Variants in HEATR4 observed in about 807,000 individuals in gnomAD.
HEATR4 encodes the protein HEAT repeat containing 4.
Under a neutral mutation model 108.8 loss-of-function variants are expected in HEATR4, and 95 were observed. That is an observed-to-expected ratio of 0.87 (90% CI 0.74 to 1.04). The LOEUF is 1.04. Among genes scored for constraint, HEATR4 ranks in the 50% least tolerant of loss-of-function variants. The pLI, the probability that HEATR4 is intolerant of heterozygous loss-of-function variation, is 0.00. For missense variants in HEATR4, 1,152 were observed against 1,253.8 expected (o/e 0.92, Z 1.23); for synonymous variants, 443 against 459.4 (o/e 0.96, Z 0.46).
chr14:73,629,242 C>CT, the HEATR4 span, among the ~76,000 whole-genome samples: 11 of 152,058 alleles, frequency 7.2e-5, no homozygotes, highest in African/African-American at 2.7e-4. Context: ...AAGGTATGTA[C>CT]TTTTTTTAAA....
At chr14:73,595,388 T>C in the HEATR4 span, 2 of 1,614,144 alleles carry the variant, frequency 1.2e-6, no homozygotes, top group African/African-American at 2.7e-5. Context: ...AAGTGAGTTG[T>C]ATGCCCAAAC....
intron 17 of HEATR4, among the ~76,000 whole-genome samples, chr14:73,479,521 C>G (rs1219841302): frequency 6.6e-6 from 1 of 150,482 alleles, no homozygotes; most frequent in Non-Finnish European, 1.5e-5. Flanking sequence ...TCACCGCAAC[C>G]TCTGCCCCCA....
the HEATR4 span, among the ~76,000 whole-genome samples, chr14:73,612,247 T>A: frequency 1.3e-5 from 2 of 152,034 alleles, no homozygotes; most frequent in Admixed American, 1.3e-4. Context: ...ACTCTGTTGG[T>A]CAGGCTGGTC....
At chr14:73,587,357 CT>C in the HEATR4 span, among the ~76,000 whole-genome samples, 27,400 of 147,394 alleles carry the variant, frequency 0.19, 3,002 homozygotes, top group East Asian at 0.31. Flanking sequence ...GCAACATCCA[CT>C]TTTTTTTTTT....
Position 73,496,560 on chromosome 14 carries a change from T to C in HEATR4, c.2625+41A>G, listed in dbSNP as rs755874293. 4.8e-6 allele frequency: 6 copies of C among 1,243,780 alleles called. No homozygotes were observed. In the South Asian group the frequency reaches 7.2e-5, roughly 15 times the overall value. The allele number at this position is 1,243,780 out of a possible 1,614,324, so 77.0% of individuals were successfully genotyped here. The stretch of plus-strand genomic sequence containing the variant: ...ACAGGGTCTGAGGAACTCTTGAGAG[T>C]CCTGAATTTTCTCTTGAGAACAGAG... On this transcript the variant is annotated intron_variant, in intron 15 of 17. Coordinates refer to ENST00000553558, the MANE Select transcript of HEATR4 (RefSeq NM_001220484.1).
rs199545926 is a variant in HEATR4 at position 73,492,035 on chromosome 14, C to G, written c.2844+1031G>C. Reference sequence around the variant, plus strand: ...CCCTAACTCGCAGGGCTTTGCCCCCCACTACGACGACATCGAGGCCTTCGT... The same window carrying G: ...CCCTAACTCGCAGGGCTTTGCCCCCGACTACGACGACATCGAGGCCTTCGT... On this transcript the variant is annotated intron_variant, in intron 17 of 17. Coordinates refer to ENST00000553558, the MANE Select transcript of HEATR4 (RefSeq NM_001220484.1). This position sits in a 1 kb window ranked among gnomAD's most constrained non-coding sequence, Gnocchi z 4.9. 6.2e-7 allele frequency: 1 copy of G among 1,614,026 alleles called. No individual in the cohort carries two copies. Among genetic ancestry groups the G allele is most frequent in the Non-Finnish European group, 8.5e-7 (1 of 1,179,896 alleles).
intron 5 of HEATR4, among the ~76,000 whole-genome samples, chr14:73,516,747 T>C (rs931262109): frequency 6.6e-6 from 1 of 152,176 alleles, no homozygotes; most frequent in Non-Finnish European, 1.5e-5. Context: ...CTCTGCCTCC[T>C]GTCAGATCAG....
chr14:73,627,990 G>T, the HEATR4 span, among the ~76,000 whole-genome samples: 15 of 152,270 alleles, frequency 9.9e-5, no homozygotes, highest in African/African-American at 3.6e-4. Context: ...TATATTTTTA[G>T]TAGAGACGGA....
upstream of HEATR4, among the ~76,000 whole-genome samples, chr14:73,562,755 C>G (rs1889548242): frequency 6.6e-6 from 1 of 151,994 alleles, no homozygotes; most frequent in Non-Finnish European, 1.5e-5. Flanking sequence ...AACCCTCAGG[C>G]TTACTAGGGT....
At chr14:73,505,199 G>T (rs542139098) in intron 10 of HEATR4, among the ~76,000 whole-genome samples, 3 of 152,156 alleles carry the variant, frequency 2.0e-5, no homozygotes, top group South Asian at 4.1e-4. Context: ...TTACAGGCAT[G>T]AGCCACCGTA....
intron 5 of HEATR4, among the ~76,000 whole-genome samples, chr14:73,518,417 A>C (rs544761441): frequency 6.6e-6 from 1 of 152,234 alleles, no homozygotes; most frequent in South Asian, 2.1e-4. Context: ...AAAAAGAAAA[A>C]AAAAAAAAAG....
At chr14:73,480,552 A>C (rs887264057) in intron 17 of HEATR4, among the ~76,000 whole-genome samples, 4 of 151,980 alleles carry the variant, frequency 2.6e-5, no homozygotes, top group Non-Finnish European at 5.9e-5. Flanking sequence ...ATGTTTTTTG[A>C]ATATTGTATG....
intron 2 of HEATR4, among the ~76,000 whole-genome samples, chr14:73,528,349 G>A (rs147613775): frequency 0.015 from 1,853 of 127,228 alleles, 51 homozygotes; most frequent in African/African-American, 0.053. Flanking sequence ...CCAAGATCGC[G>A]CCACTGGACT....
chr14:73,613,923 C>G, the HEATR4 span, among the ~76,000 whole-genome samples: 1 of 151,074 alleles, frequency 6.6e-6, no homozygotes, highest in East Asian at 1.9e-4. Flanking sequence ...GGCACAGTGG[C>G]TCAGGCCTGT....
the HEATR4 span, among the ~76,000 whole-genome samples, chr14:73,564,691 G>GTT: frequency 1.6e-4 from 20 of 124,872 alleles, no homozygotes; most frequent in African/African-American, 5.1e-4. Context: ...TTAGATGTGT[G>GTT]TTTTTTAATT....
At chr14:73,516,515 T>G (rs1345692104) in intron 5 of HEATR4, among the ~76,000 whole-genome samples, 1 of 148,638 alleles carries the variant, frequency 6.7e-6, no homozygotes, top group African/African-American at 2.5e-5. Flanking sequence ...ATATTTAACC[T>G]CATAGGAATA....
the HEATR4 span, chr14:73,596,389 G>C: frequency 2.6e-5 from 4 of 152,072 alleles, no homozygotes; most frequent in East Asian, 7.7e-4. Context: ...CCAGCTACTC[G>C]AGACTCAGAT....
chr14:73,479,419 T>TTC (rs1555386802), intron 17 of HEATR4, among the ~76,000 whole-genome samples: 79,701 of 106,434 alleles, frequency 0.75, 29,527 homozygotes, highest in East Asian at 0.81. Context: ...CGGCGTTTTT[T>TTC]TTTCTTTCTT....
At chr14:73,542,067 G>T (rs1889104775) in intron 1 of HEATR4, among the ~76,000 whole-genome samples, 1 of 112,846 alleles carries the variant, frequency 8.9e-6, no homozygotes, top group African/African-American at 3.0e-5. Flanking sequence ...TATTTGTCAG[G>T]CTGGTCTTGA....
Sources: gnomAD v4.1 joint callset for allele counts (sites outside exome capture counted in the v4.1 genomes callset) on GRCh38, gnomAD v4.1.1 for gene constraint, Gnocchi (gnomAD v3.1) non-coding constraint, MANE v1.5 for transcripts, NCBI Gene and HGNC (gene_info 2026-07-23, HGNC 2026-07-21) for gene names.